Variants in PIP5K1A observed in about 807,000 individuals in gnomAD.
PIP5K1A encodes the protein phosphatidylinositol-4-phosphate 5-kinase type 1 alpha.
In PIP5K1A, 46 loss-of-function variants were observed where a neutral mutation model predicts 72.9. The observed-to-expected ratio is 0.63, with a 90% confidence interval of 0.50 to 0.81. The LOEUF is 0.81. Among genes scored for constraint, PIP5K1A ranks in the 30% least tolerant of loss-of-function variants. PIP5K1A has a pLI of 0.00. For synonymous variants in PIP5K1A, 228 were observed against 255.1 expected, an observed-to-expected ratio of 0.89 and a Z score of 1.01; for missense variants, 458 against 706.1, an observed-to-expected ratio of 0.65 and a Z score of 3.98.
intron 4 of PIP5K1A, among the ~76,000 whole-genome samples, chr1:151,230,679 C>T (rs1343477100): frequency 6.6e-6 from 1 of 152,192 alleles, no homozygotes; most frequent in Non-Finnish European, 1.5e-5. Context: ...GTAGCTGGGA[C>T]TACAGGTGCA....
chr1:151,199,050 T>C lies in PIP5K1A; in HGVS notation c.54T>C (p.Asp18=). The change falls in exon 1 of 16, where the codon GAT becomes GAC. Residue 18 remains aspartate (D), a synonymous_variant. Coordinates refer to ENST00000368888, the MANE Select transcript of PIP5K1A (RefSeq NM_001135638.2). ...PSSSVGFSSF[D]PAVPSCTLSS... ...CTTCGGTCGGTTTTTCATCCTTTGA[T>C]CCCGCGGTCCCTTCCTGTACCTTGT... is the stretch of plus-strand genomic sequence containing the variant. 2 of 1,614,164 alleles carry C rather than the reference T, an allele frequency of 1.2e-6. No individual in the cohort carries two copies. Among genetic ancestry groups the C allele is most frequent in the Non-Finnish European group, 1.7e-6 (2 of 1,180,038 alleles).
chr1:151,196,124 C>T (rs1051866274), upstream of PIP5K1A, among the ~76,000 whole-genome samples: 42 of 152,028 alleles, frequency 2.8e-4, no homozygotes, highest in African/African-American at 1.0e-3. Flanking sequence ...GTCTCGATCT[C>T]CTGACCTCGT....
rs1457738238 is a variant in PIP5K1A at position 151,231,443 on chromosome 1, C to T, written c.238-228C>T. Among the ~76,000 whole-genome samples the T allele has an allele frequency of 2.6e-5, 4 of 152,108 alleles. No homozygotes were observed. The East Asian group carries it at 7.7e-4, about 29-fold the overall frequency. On this transcript the variant is annotated intron_variant, in intron 4 of 15. Transcript: ENST00000368888. ...TAGCTGAGGCTGGCTCAGAGAGTCC[C>T]AGCTTTGCTACTCTGTATCCTCACT...
rs1402446567 is a variant in PIP5K1A at position 151,231,931 on chromosome 1, C to T, written c.368+130C>T. Reference sequence around the variant, plus strand: ...TTTCTTAACCTGGTTACAATCAGGGCGATGTGGGACTAGAGAGTTCGGAGA... The same window carrying T: ...TTTCTTAACCTGGTTACAATCAGGGTGATGTGGGACTAGAGAGTTCGGAGA... On this transcript the variant is annotated intron_variant, in intron 5 of 15. Transcript: ENST00000368888. 4 of 825,772 alleles carry T rather than the reference C, an allele frequency of 4.8e-6. No homozygotes were observed. In the African/African-American group the frequency reaches 5.1e-5, roughly 10 times the overall value. 51.2% of individuals were successfully genotyped at this position (825,772 alleles called of 1,614,324 possible).
Position 151,248,112 on chromosome 1 carries a change from G to T in PIP5K1A, c.*247G>T, listed in dbSNP as rs1692764861. ...GCAGCATCCCCTCCACTCCAGAGTT[G>T]GGTGGTATGGATTTTCAACTGGCCA... On this transcript the variant is annotated 3_prime_UTR_variant, in exon 16 of 16. Coordinates refer to ENST00000368888, the MANE Select transcript of PIP5K1A (RefSeq NM_001135638.2). 2.0e-6 allele frequency: 1 copy of T among 498,512 alleles called. No homozygotes were observed. 30.9% of individuals were successfully genotyped at this position (498,512 alleles called of 1,614,324 possible).
At chr1:151,212,917 G>A (rs1183058243) in intron 1 of PIP5K1A, among the ~76,000 whole-genome samples, 1 of 133,904 alleles carries the variant, frequency 7.5e-6, no homozygotes. Flanking sequence ...TTGAGACAGA[G>A]TCTCGCTCTG....
chr1:151,207,534 C>CTT lies in PIP5K1A; in HGVS notation c.85+8467_85+8468dup, dbSNP rs11384537. ...AAGGCTGTATGTTACCAAGATTAAT[C>CTT]TTTTTTTTTTTTTTTGAGATGGAGT... is the stretch of plus-strand genomic sequence containing the variant. On this transcript the variant is annotated intron_variant, in intron 1 of 15. Coordinates refer to ENST00000368888, the MANE Select transcript of PIP5K1A (RefSeq NM_001135638.2). 1.6e-3 allele frequency among the ~76,000 whole-genome samples: 233 copies of CTT among 141,796 alleles called. 1 individual carries two copies. Among genetic ancestry groups the CTT allele is most frequent in the Middle Eastern group, 3.6e-3 (1 of 276 alleles). 93.0% of individuals were successfully genotyped at this position (141,796 alleles called of 152,430 possible).
intron 1 of PIP5K1A, among the ~76,000 whole-genome samples, chr1:151,212,881 CTTT>C (rs59115186): frequency 8.8e-6 from 1 of 113,000 alleles, no homozygotes; most frequent in Admixed American, 1.0e-4. Context: ...CTGACTTTGC[CTTT>C]TTTTTTTTTT....
In PIP5K1A at chr1:151,234,460, C is replaced by T; in HGVS notation, c.903C>T (p.Tyr301=). 3 of 1,614,032 alleles carry T rather than the reference C, an allele frequency of 1.9e-6. No individual in the cohort carries two copies. Among genetic ancestry groups the T allele is most frequent in the Non-Finnish European group, 2.5e-6 (3 of 1,179,938 alleles). Residue 301 remains tyrosine, a synonymous_variant, in exon 8 of 16, where the codon TAC becomes TAT. Transcript: ENST00000368888. ...GTCTTTTTTTGGATGCTGACATGTA[C>T]AACGCTCTCTGTAAGACCCTGCAGC... The part of the protein sequence containing the change: ...PDGLFLDADM[Y]NALCKTLQRD...
At chr1:151,211,825 C>T (rs182518524) in intron 1 of PIP5K1A, among the ~76,000 whole-genome samples, 1,543 of 149,454 alleles carry the variant, frequency 0.01, 39 homozygotes, top group African/African-American at 0.036. Flanking sequence ...AAAAAAAGGC[C>T]GGGTGCGGTG....
chr1:151,233,817 G>T, intron 7 of PIP5K1A: 1 of 200,128 alleles, frequency 5.0e-6, no homozygotes, highest in Non-Finnish European at 1.0e-5. Context: ...ACTCTCTGCA[G>T]CCTTACTCTG....
At chr1:151,215,563 G>A (rs1301386393) in intron 1 of PIP5K1A, among the ~76,000 whole-genome samples, 2 of 151,728 alleles carry the variant, frequency 1.3e-5, no homozygotes, top group African/African-American at 4.8e-5. Flanking sequence ...GTGAACTCTT[G>A]ACCTCAGGTG....
In PIP5K1A at chr1:151,242,241, A is replaced by G. The variant is rs1432485864; in HGVS notation, c.1482A>G (p.Gln494=). ...QPSVSGEHKA[Q]VTTKAEVEPG... is the part of the protein sequence containing the mutation. ...CGGTCTCTGGGGAACACAAGGCACAAGTGACAACAAAGGCAGAAGTGGAGC... is the reference window on the plus strand; with the variant it reads ...CGGTCTCTGGGGAACACAAGGCACAGGTGACAACAAAGGCAGAAGTGGAGC... The change falls in exon 13 of 16, where the codon CAA becomes CAG. Residue 494 remains glutamine (Q), a synonymous_variant. Coordinates refer to ENST00000368888, the MANE Select transcript of PIP5K1A (RefSeq NM_001135638.2). 1 of 1,614,076 alleles carries G rather than the reference A, an allele frequency of 6.2e-7. No homozygotes were observed. The highest frequency in any genetic ancestry group is 8.5e-7 in the Non-Finnish European group (1 of 1,180,032).
At chr1:151,211,491 A>G (rs1464283368) in intron 1 of PIP5K1A, among the ~76,000 whole-genome samples, 1 of 151,250 alleles carries the variant, frequency 6.6e-6, no homozygotes, top group East Asian at 2.0e-4. Context: ...TCTCAAGACC[A>G]AAAAACTTAA....
intron 14 of PIP5K1A, among the ~76,000 whole-genome samples, chr1:151,243,980 C>T (rs890865181): frequency 1.4e-4 from 22 of 152,040 alleles, no homozygotes; most frequent in African/African-American, 5.1e-4. Flanking sequence ...CCCTCCGTAT[C>T]CACAGGTTCC....
chr1:151,241,412 G>C (rs587681170), intron 12 of PIP5K1A, among the ~76,000 whole-genome samples: 1 of 150,892 alleles, frequency 6.6e-6, no homozygotes. Flanking sequence ...GCTGAGGCAG[G>C]AGAATGGCAT....
At chr1:151,239,078 A>G in intron 10 of PIP5K1A, 52 bp from the exon 11 acceptor site, 1 of 1,313,054 alleles carries the variant, frequency 7.6e-7, no homozygotes, top group Non-Finnish European at 1.1e-6. Flanking sequence ...AAAGTTATTA[A>G]GGTCATTTAT....
upstream of PIP5K1A, chr1:151,198,522 C>A (rs938681534): frequency 5.7e-5 from 11 of 193,358 alleles, no homozygotes; most frequent in Non-Finnish European, 9.9e-5. Flanking sequence ...GCTGATGCCC[C>A]GAGAAGGTCG....
intron 5 of PIP5K1A, 141 bp downstream of exon 5, chr1:151,231,942 TAG>T (rs1333303594): frequency 1.8e-5 from 14 of 791,956 alleles, no homozygotes; most frequent in Middle Eastern, 4.8e-4. Flanking sequence ...GATGTGGGAC[TAG>T]AGAGTTCGGA....
Sources: allele counts gnomAD v4.1 joint callset (sites outside exome capture counted in the v4.1 genomes callset), GRCh38; gene constraint gnomAD v4.1.1; transcripts MANE v1.5; gene names NCBI Gene and HGNC (gene_info 2026-07-23, HGNC 2026-07-21).